The following RERE variants were observed in gnomAD, a reference collection of about 807,000 sequenced individuals.
RERE encodes arginine-glutamic acid dipeptide repeats, also known as arginine-glutamic acid dipeptide repeats protein.
Under a neutral mutation model 146.1 loss-of-function variants are expected in RERE, and 40 were observed. The observed-to-expected ratio is 0.27, with a 90% confidence interval of 0.21 to 0.36. RERE has a LOEUF of 0.36. Among genes scored for constraint, RERE ranks in the 10% least tolerant of loss-of-function variants. RERE has a pLI of 1.00. For missense variants in RERE, 1,933 were observed against 2,138.7 expected, an observed-to-expected ratio of 0.90 and a Z score of 1.90; for synonymous variants, 1,003 against 866.0, an observed-to-expected ratio of 1.16 and a Z score of -2.78.
At chr1:8,507,330 TA>T (rs1441894855) in intron 8 of RERE, among the ~76,000 whole-genome samples, 1 of 152,116 alleles carries the variant, frequency 6.6e-6, no homozygotes, top group Non-Finnish European at 1.5e-5. Context: ...TGCAATGAAA[TA>T]AGAAAGAGCA....
chr1:8,668,381 G>A (rs1638626285), intron 1 of RERE, among the ~76,000 whole-genome samples: 1 of 152,150 alleles, frequency 6.6e-6, no homozygotes, highest in Non-Finnish European at 1.5e-5. Context: ...CTGGTCATGG[G>A]GTCAAGTGGA....
chr1:8,532,261 T>C (rs934982623), intron 7 of RERE, among the ~76,000 whole-genome samples: 6 of 152,212 alleles, frequency 3.9e-5, no homozygotes, highest in Non-Finnish European at 7.3e-5. Context: ...ATTGAACCTA[T>C]AAATTTTATT....
chr1:8,788,091 C>T (rs1641291250), intron 1 of RERE, among the ~76,000 whole-genome samples: 1 of 151,694 alleles, frequency 6.6e-6, no homozygotes, highest in South Asian at 2.1e-4. Context: ...GAGTAAGACC[C>T]TGTCTCAAAA....
At chr1:8,398,053 C>A (rs187332050) in intron 12 of RERE, among the ~76,000 whole-genome samples, 1 of 152,298 alleles carries the variant, frequency 6.6e-6, no homozygotes, top group Non-Finnish European at 1.5e-5. Flanking sequence ...CTAAGAGAGG[C>A]ATGATGTTCT....
intron 1 of RERE, chr1:8,786,416 C>A: frequency 1.2e-6 from 1 of 867,748 alleles, no homozygotes; most frequent in Non-Finnish European, 1.9e-6. Context: ...AGAGATAGAG[C>A]AATCAAAGCG....
intron 1 of RERE, chr1:8,799,347 G>T: frequency 6.5e-6 from 1 of 153,926 alleles, no homozygotes; most frequent in Non-Finnish European, 1.5e-5. Context: ...ATGCCCATAA[G>T]GTGCTCCGTG....
At chr1:8,422,674 C>A in intron 12 of RERE, 53 bp downstream of exon 12, 34 of 1,277,176 alleles carry the variant, frequency 2.7e-5, no homozygotes, top group Non-Finnish European at 3.9e-5. Context: ...TGTGGAGAGG[C>A]AGCAGGAGCA....
chr1:8,605,091 A>G lies in RERE; in HGVS notation c.522+9470T>C, dbSNP rs551774169. On this transcript the variant is annotated intron_variant, in intron 4 of 22. Transcript: ENST00000400908. Reference sequence around the variant, plus strand: ...AACTAATTTCAGTAAAGTGAAATCTACAGTTATTCCCTTGAAAAACAGGAC... The same window carrying G: ...AACTAATTTCAGTAAAGTGAAATCTGCAGTTATTCCCTTGAAAAACAGGAC... 1.5e-4 allele frequency among the ~76,000 whole-genome samples: 23 copies of G among 152,330 alleles called. No individual in the cohort carries two copies. In the Middle Eastern group the frequency reaches 0.01, roughly 68 times the overall value.
chr1:8,372,357 T>C (rs1049419665), intron 12 of RERE, among the ~76,000 whole-genome samples: 1 of 152,044 alleles, frequency 6.6e-6, no homozygotes, highest in Non-Finnish European at 1.5e-5. Context: ...TGAGTCCCAC[T>C]TTTTTTGGTA....
intron 10 of RERE, among the ~76,000 whole-genome samples, chr1:8,481,979 C>A (rs867853008): frequency 2.6e-5 from 4 of 151,876 alleles, no homozygotes; most frequent in South Asian, 2.1e-4. Context: ...AAATGACAGG[C>A]GAAGCAGACC....
chr1:8,503,783 A>G (rs571669623), intron 8 of RERE, among the ~76,000 whole-genome samples: 78 of 152,328 alleles, frequency 5.1e-4, no homozygotes, highest in African/African-American at 1.8e-3. Flanking sequence ...ACTCTAAGAT[A>G]TATTAATTTG....
In RERE at chr1:8,495,511, A is replaced by C. The variant is rs193102058; in HGVS notation, c.1005-349T>G. On this transcript the variant is annotated intron_variant, in intron 9 of 22. Coordinates refer to ENST00000400908, the MANE Select transcript of RERE (RefSeq NM_001042681.2). ...ATTTTTAGTAGAGACAAGGTTTCAC[A>C]GTGTTGGTCGGGCTGGTCTCGAACT... 2.4e-3 allele frequency among the ~76,000 whole-genome samples: 361 copies of C among 152,280 alleles called. 1 individual carries two copies. Among genetic ancestry groups the C allele is most frequent in the African/African-American group, 8.3e-3 (347 of 41,564 alleles).
chr1:8,793,752 T>C (rs751625460), intron 1 of RERE, among the ~76,000 whole-genome samples: 25 of 152,342 alleles, frequency 1.6e-4, no homozygotes, highest in South Asian at 4.1e-4. Context: ...TCAGATCTTA[T>C]TTCCTTGATG....
chr1:8,609,095 G>T (rs774071892), intron 4 of RERE, among the ~76,000 whole-genome samples: 1 of 152,080 alleles, frequency 6.6e-6, no homozygotes, highest in Non-Finnish European at 1.5e-5. Context: ...GCACACGCCT[G>T]TAATCTCAGC....
intron 12 of RERE, among the ~76,000 whole-genome samples, chr1:8,411,406 T>C (rs1049809376): frequency 1.1e-4 from 17 of 151,848 alleles, no homozygotes; most frequent in Admixed American, 2.6e-4. Flanking sequence ...TCCCAGGTAG[T>C]TGGAACTATA....
chr1:8,453,817 A>AT (rs1553168624), intron 11 of RERE, among the ~76,000 whole-genome samples: 122 of 151,146 alleles, frequency 8.1e-4, no homozygotes, highest in African/African-American at 2.8e-3. Flanking sequence ...TCAAAAAAAA[A>AT]TTTTTTTTTA....
At chr1:8,572,529 A>G (rs1274462963) in intron 4 of RERE, among the ~76,000 whole-genome samples, 2 of 152,248 alleles carry the variant, frequency 1.3e-5, no homozygotes, top group Non-Finnish European at 2.9e-5. Flanking sequence ...TAGAACATAC[A>G]ACAGTTTTAG....
chr1:8,395,388 T>C (rs997600234), intron 12 of RERE, among the ~76,000 whole-genome samples: 1 of 150,536 alleles, frequency 6.6e-6, no homozygotes, highest in Admixed American at 6.6e-5. Flanking sequence ...GGCAGGAGAA[T>C]AGCTTGAACC....
At chr1:8,669,691 AC>A (rs2124370111) in intron 1 of RERE, among the ~76,000 whole-genome samples, 1 of 152,192 alleles carries the variant, frequency 6.6e-6, no homozygotes, top group Middle Eastern at 3.2e-3. Context: ...TCTTTGGACC[AC>A]GGTAATCTTT....
Sources: gnomAD v4.1 joint callset for allele counts (sites outside exome capture counted in the v4.1 genomes callset) on GRCh38, gnomAD v4.1.1 for gene constraint, MANE v1.5 for transcripts, NCBI Gene and HGNC (gene_info 2026-07-23, HGNC 2026-07-21) for gene names.